Variants in JMJD1C observed in about 807,000 individuals in gnomAD.
JMJD1C encodes jumonji domain-containing protein 1C.
JMJD1C carries 31 observed loss-of-function variants against 245.3 expected under a neutral mutation model. That is an observed-to-expected ratio of 0.13 (90% CI 0.09 to 0.17). The LOEUF is 0.17. JMJD1C is among the 10% of genes least tolerant of loss of function. The pLI, the probability that JMJD1C is intolerant of heterozygous loss-of-function variation, is 1.00. For missense variants in JMJD1C, 2,691 were observed against 3,000.2 expected, an observed-to-expected ratio of 0.90 and a Z score of 2.41; for synonymous variants, 1,057 against 1,017.4, an observed-to-expected ratio of 1.04 and a Z score of -0.74.
chr10:63,430,456 GA>G (rs764525320), intron 1 of JMJD1C, among the ~76,000 whole-genome samples: 76 of 152,296 alleles, frequency 5.0e-4, no homozygotes, highest in Admixed American at 1.4e-3. Flanking sequence ...AATAAATCTT[GA>G]GAGCATTAAG....
chr10:63,476,372 C>T (rs1339020297), intron 1 of JMJD1C, among the ~76,000 whole-genome samples: 2 of 151,920 alleles, frequency 1.3e-5, no homozygotes, highest in Non-Finnish European at 2.9e-5. Flanking sequence ...CTTAGCAGAA[C>T]AAGAGTCATG....
chr10:63,314,003 A>G (rs529357208), intron 2 of JMJD1C, among the ~76,000 whole-genome samples: 18 of 152,330 alleles, frequency 1.2e-4, no homozygotes, highest in African/African-American at 3.1e-4. Context: ...GCCTAAGCCA[A>G]TATCTAGAAG....
At chr10:63,456,485 A>G (rs1214304580) in intron 1 of JMJD1C, among the ~76,000 whole-genome samples, 1 of 152,152 alleles carries the variant, frequency 6.6e-6, no homozygotes, top group Non-Finnish European at 1.5e-5. Context: ...AATTTTAACC[A>G]AACATTAACA....
chr10:63,186,180 T>C (rs766252409), intron 19 of JMJD1C, 35 bp downstream of exon 19: 48 of 1,493,770 alleles, frequency 3.2e-5, no homozygotes, highest in Non-Finnish European at 4.4e-5. Context: ...TGAAGGAGTA[T>C]GATGGAGAAA....
In JMJD1C at chr10:63,214,571, C is replaced by T; in HGVS notation, c.1596G>A (p.Gln532=). Reference sequence around the variant, plus strand: ...CATTAGGATCCATTTTCTGAAGTGTCTGAAGGCCAAAGGTACTTGAGTTTT... The same window carrying T: ...CATTAGGATCCATTTTCTGAAGTGTTTGAAGGCCAAAGGTACTTGAGTTTT... ...AQENSSTFGL[Q]TLQKMDPNVS... is the part of the protein sequence containing the mutation. The change falls in exon 8 of 26, where the codon CAG becomes CAA. Residue 532 remains glutamine, a synonymous_variant. Transcript: ENST00000399262. 1 of 1,614,000 alleles carries T rather than the reference C, an allele frequency of 6.2e-7. No individual in the cohort carries two copies. Among genetic ancestry groups the T allele is most frequent in the Non-Finnish European group, 8.5e-7 (1 of 1,179,960 alleles).
chr10:63,201,965 G>C (rs756230069), intron 10 of JMJD1C, among the ~76,000 whole-genome samples: 4 of 151,388 alleles, frequency 2.6e-5, no homozygotes, highest in South Asian at 2.1e-4. Context: ...AAAAAAGCAA[G>C]CTATGTTGGG....
chr10:63,422,968 T>C (rs201652903), intron 1 of JMJD1C, among the ~76,000 whole-genome samples: 61 of 147,660 alleles, frequency 4.1e-4, no homozygotes, highest in East Asian at 1.8e-3. Flanking sequence ...TTTTTTTTTT[T>C]CTTTTTTTTT....
intron 2 of JMJD1C, among the ~76,000 whole-genome samples, chr10:63,323,987 CAGG>C (rs949182837): frequency 6.6e-6 from 1 of 150,724 alleles, no homozygotes; most frequent in African/African-American, 2.4e-5. Flanking sequence ...CATCTGAAAG[CAGG>C]AGACAAGGAT....
At chr10:63,438,688 G>T (rs1028880865) in intron 1 of JMJD1C, among the ~76,000 whole-genome samples, 1 of 151,802 alleles carries the variant, frequency 6.6e-6, no homozygotes, top group Admixed American at 6.6e-5. Context: ...CCTCAAATAC[G>T]CTAGGCTCAT....
At chr10:63,423,627 T>C (rs1254994581) in intron 1 of JMJD1C, among the ~76,000 whole-genome samples, 1 of 152,234 alleles carries the variant, frequency 6.6e-6, no homozygotes, top group African/African-American at 2.4e-5. Flanking sequence ...AAGTATCTGT[T>C]TGAGTCTTTC....
chr10:63,237,529 T>C (rs1850891927), intron 3 of JMJD1C, among the ~76,000 whole-genome samples: 1 of 152,200 alleles, frequency 6.6e-6, no homozygotes, highest in Non-Finnish European at 1.5e-5. Context: ...CAGTACAAAT[T>C]GGAATGATCA....
At chr10:63,216,409 G>A (rs11819167) in intron 5 of JMJD1C, among the ~76,000 whole-genome samples, 21,121 of 152,006 alleles carry the variant, frequency 0.14, 2,195 homozygotes, top group East Asian at 0.35. Flanking sequence ...CTTTCAGACT[G>A]GTACTTAAAA....
chr10:63,216,960 A>C (rs899198068), intron 5 of JMJD1C, among the ~76,000 whole-genome samples: 2 of 152,196 alleles, frequency 1.3e-5, no homozygotes, highest in African/African-American at 4.8e-5. Context: ...CTAATCAATT[A>C]AAAGAGTTTA....
Position 63,326,421 on chromosome 10 carries a change from TAAATAAAG to T in JMJD1C, c.333+53889_333+53896del, listed in dbSNP as rs1321491103. ...ATAAATAAATAAATAAATAAATAAA[TAAATAAAG>T]ATAATAAAATATGGTAACAATTTAT... On this transcript the variant is annotated intron_variant, in intron 2 of 25. Coordinates refer to ENST00000399262, the MANE Select transcript of JMJD1C (RefSeq NM_032776.3). Among the ~76,000 whole-genome samples the T allele has an allele frequency of 3.4e-4, 48 of 140,246 alleles. No homozygotes were observed. In the Middle Eastern group the frequency reaches 0.011, roughly 32 times the overall value. The allele number at this position is 140,246 out of a possible 152,430, so 92.0% of individuals were successfully genotyped here. A position where few individuals can be genotyped will look rare whatever the true frequency, so the allele number is the denominator to read the frequency against.
chr10:63,314,422 T>C (rs893884162), intron 2 of JMJD1C, among the ~76,000 whole-genome samples: 4 of 152,140 alleles, frequency 2.6e-5, no homozygotes, highest in Non-Finnish European at 4.4e-5. Context: ...TAGCCAGCCA[T>C]AGTGGCACAC....
At chr10:63,335,803 G>A (rs556249983) in intron 2 of JMJD1C, among the ~76,000 whole-genome samples, 5 of 151,940 alleles carry the variant, frequency 3.3e-5, no homozygotes, top group African/African-American at 7.2e-5. Context: ...GAACCACGGC[G>A]CCTGGCATAA....
At chr10:63,284,857 T>TCACACACACACA (rs57860875) in intron 2 of JMJD1C, among the ~76,000 whole-genome samples, 2 of 135,366 alleles carry the variant, frequency 1.5e-5, no homozygotes, top group South Asian at 2.6e-4. Flanking sequence ...CAGGGAAGAT[T>TCACACACACACA]CACACACACA....
At position 63,206,866 on chromosome 10, in the gene JMJD1C, C is replaced by G; in HGVS notation, c.4803G>C (p.Lys1601Asn). 1 of 1,606,798 alleles carries G rather than the reference C, an allele frequency of 6.2e-7. No individual in the cohort carries two copies. Among genetic ancestry groups the G allele is most frequent in the East Asian group, 2.2e-5 (1 of 44,836 alleles). The change falls in exon 10 of 26, where the codon AAG becomes AAC. Residue 1601 changes from lysine (K) to asparagine (N), a missense_variant. Physicochemically the swap from Lys to Asn is moderately conservative, Grantham distance 94. Around this residue, in one of 9 missense-constraint regions of JMJD1C, gnomAD observed 144 missense variants for 143.3 expected, o/e 1.00. Transcript: ENST00000399262. ...SSDIQNSVDS[K>N]IIVDKYVKDD... ...CTTTTACATATTTATCAACTATGAT[C>G]TTACTATCTACACTATTTTGTATAT...
At chr10:63,328,429 C>T (rs1401352110) in intron 2 of JMJD1C, among the ~76,000 whole-genome samples, 1 of 152,164 alleles carries the variant, frequency 6.6e-6, no homozygotes, top group African/African-American at 2.4e-5. Flanking sequence ...GCTCCCACTG[C>T]AAATTCATTA....
Sources: gnomAD v4.1 joint callset for allele counts (sites outside exome capture counted in the v4.1 genomes callset) on GRCh38, gnomAD v4.1.1 for gene constraint, gnomAD v4.1.1 regional missense constraint, MANE v1.5 for transcripts, NCBI Gene and HGNC (gene_info 2026-07-23, HGNC 2026-07-21) for gene names.